Variants in APBA1 observed in about 807,000 individuals in gnomAD.
APBA1 encodes amyloid beta precursor protein binding family A member 1.
A neutral mutation model predicts 86.6 loss-of-function variants in APBA1; 55 were observed. The observed-to-expected ratio is 0.64, with a 90% CI of 0.51 to 0.80. The LOEUF is 0.80. APBA1 is among the 30% of genes least tolerant of loss of function. The probability of loss-of-function intolerance (pLI) is 0.00; values close to 1 mark genes in which losing one functional copy is unlikely to be tolerated. For missense variants in APBA1, 1,090 were observed against 1,183.0 expected, an observed-to-expected ratio of 0.92 and a Z score of 1.15; for synonymous variants, 511 against 493.9, an observed-to-expected ratio of 1.03 and a Z score of -0.46.
chr9:69,445,922 T>G (rs1178907178), intron 10 of APBA1, among the ~76,000 whole-genome samples: 1 of 152,174 alleles, frequency 6.6e-6, no homozygotes, highest in Non-Finnish European at 1.5e-5. Context: ...AATTCCACCC[T>G]ATACCTGCTG....
chr9:69,458,275 A>G (rs904335555), intron 5 of APBA1, 87 bp from the exon 6 acceptor site: 12 of 1,252,502 alleles, frequency 9.6e-6, no homozygotes, highest in Admixed American at 4.4e-5. Flanking sequence ...TGACAAACTA[A>G]TACTGAATAG....
At position 69,488,482 on chromosome 9, in the gene APBA1, G is replaced by T. The variant is rs143589832; in HGVS notation, c.1201-12339C>A. ...TTATATTTTTTAGTATTGCTTTCAA[G>T]GTAAAGTTCTAACTGAATCACTTCT... On this transcript the variant is annotated intron_variant, in intron 2 of 12. Coordinates refer to ENST00000265381, the MANE Select transcript of APBA1 (RefSeq NM_001163.4). Among the ~76,000 whole-genome samples the T allele has an allele frequency of 2.5e-3, 373 of 152,230 alleles. 3 individuals are homozygous for T. The highest frequency in any genetic ancestry group is 8.4e-3 in the African/African-American group (351 of 41,542).
intron 1 of APBA1, among the ~76,000 whole-genome samples, chr9:69,599,390 C>T (rs1822302966): frequency 6.6e-6 from 1 of 152,176 alleles, no homozygotes; most frequent in Non-Finnish European, 1.5e-5. Context: ...AGTCAGTGTT[C>T]CCTCTGGGTC....
chr9:69,591,381 A>G (rs10115238), intron 1 of APBA1, among the ~76,000 whole-genome samples: 51 of 152,314 alleles, frequency 3.3e-4, no homozygotes, highest in African/African-American at 1.2e-3. Flanking sequence ...GTCTTAATGT[A>G]TAAGATATCC....
At chr9:69,555,199 A>G (rs562240351) in intron 1 of APBA1, among the ~76,000 whole-genome samples, 106 of 152,304 alleles carry the variant, frequency 7.0e-4, no homozygotes, top group African/African-American at 2.3e-3. Flanking sequence ...TCATTTTTCA[A>G]TGCATGGGAG....
At chr9:69,543,468 G>A (rs955675002) in intron 1 of APBA1, among the ~76,000 whole-genome samples, 3 of 152,114 alleles carry the variant, frequency 2.0e-5, no homozygotes, top group Non-Finnish European at 4.4e-5. Context: ...CTGGCCCCCT[G>A]TACTTAAAGA....
intron 1 of APBA1, among the ~76,000 whole-genome samples, chr9:69,571,281 C>G (rs2133948210): frequency 6.6e-6 from 1 of 152,214 alleles, no homozygotes; most frequent in Admixed American, 6.5e-5. Flanking sequence ...TCATCTGTTT[C>G]CTGTGCCAGT....
At chr9:69,643,186 C>A (rs1248475315) in intron 1 of APBA1, among the ~76,000 whole-genome samples, 1 of 152,006 alleles carries the variant, frequency 6.6e-6, no homozygotes, top group Non-Finnish European at 1.5e-5. Flanking sequence ...AAGTGTTTAC[C>A]CCCTACAACC....
intron 2 of APBA1, among the ~76,000 whole-genome samples, chr9:69,485,265 T>C (rs1835588934): frequency 6.6e-6 from 1 of 152,118 alleles, no homozygotes; most frequent in Non-Finnish European, 1.5e-5. Context: ...ATTGCCTAAA[T>C]GTCAAGGGTG....
chr9:69,495,920 G>T (rs977545067), intron 2 of APBA1, among the ~76,000 whole-genome samples: 1 of 152,042 alleles, frequency 6.6e-6, no homozygotes, highest in Non-Finnish European at 1.5e-5. Flanking sequence ...CACCTTTACC[G>T]AGGGCCTGAG....
intron 1 of APBA1, among the ~76,000 whole-genome samples, chr9:69,572,366 T>C (rs975832874): frequency 6.6e-6 from 1 of 152,158 alleles, no homozygotes; most frequent in Non-Finnish European, 1.5e-5. Context: ...CTGCGTTAGT[T>C]TGCTGAGGAT....
At chr9:69,494,013 T>A (rs1835755909) in intron 2 of APBA1, among the ~76,000 whole-genome samples, 1 of 152,100 alleles carries the variant, frequency 6.6e-6, no homozygotes, top group Admixed American at 6.5e-5. Context: ...TGTCTGTGCT[T>A]CTAAGAATCG....
intron 1 of APBA1, among the ~76,000 whole-genome samples, chr9:69,531,002 A>C (rs1436533826): frequency 6.6e-6 from 1 of 152,172 alleles, no homozygotes; most frequent in Non-Finnish European, 1.5e-5. Flanking sequence ...TGCACATTAA[A>C]ATTTTTTTAA....
intron 1 of APBA1, among the ~76,000 whole-genome samples, chr9:69,575,023 C>G (rs965722332): frequency 5.3e-5 from 8 of 152,038 alleles, no homozygotes; most frequent in Non-Finnish European, 8.8e-5. Flanking sequence ...CTCAAGTGAT[C>G]CTCCCACCTC....
intron 2 of APBA1, among the ~76,000 whole-genome samples, chr9:69,514,328 C>T (rs1055384354): frequency 1.3e-5 from 2 of 152,220 alleles, no homozygotes; most frequent in African/African-American, 4.8e-5. Context: ...TGGTGTTTCA[C>T]ATCTGTAATC....
rs148530210 is a variant in APBA1 at position 69,441,033 on chromosome 9, A to C, written c.2264T>G (p.Leu755Arg). Residue 755 changes from leucine (L) to arginine (R), a missense_variant, in exon 11 of 13, where the codon CTT (leucine) becomes CGT (arginine). By Grantham distance (102) the Leu-to-Arg change is moderately radical. Transcript: ENST00000265381. Reference sequence around the variant, plus strand: ...GACGCTGAAACCGAGCTGGTAGCGAAGGTCTGGTCTTCTGATTAACACGGT... The same window carrying C: ...GACGCTGAAACCGAGCTGGTAGCGACGGTCTGGTCTTCTGATTAACACGGT... The part of the protein sequence containing the change: ...VTTVLIRRPD[L>R]RYQLGFSVQN... The C allele has an allele frequency of 6.2e-7, 1 of 1,614,136 alleles. No individual in the cohort carries two copies. Among genetic ancestry groups the C allele is most frequent in the Non-Finnish European group, 8.5e-7 (1 of 1,180,030 alleles).
intron 1 of APBA1, among the ~76,000 whole-genome samples, chr9:69,520,531 A>G (rs1284557608): frequency 6.6e-6 from 1 of 152,214 alleles, no homozygotes; most frequent in Non-Finnish European, 1.5e-5. Context: ...AGGTACTGAT[A>G]AGTACAATGC....
At chr9:69,635,312 T>C (rs1823134204) in intron 1 of APBA1, among the ~76,000 whole-genome samples, 1 of 152,076 alleles carries the variant, frequency 6.6e-6, no homozygotes. Flanking sequence ...AAATAATGAG[T>C]GTATTATCTA....
At chr9:69,564,063 C>T (rs544018734) in intron 1 of APBA1, among the ~76,000 whole-genome samples, 2 of 152,274 alleles carry the variant, frequency 1.3e-5, no homozygotes, top group South Asian at 4.1e-4. Context: ...ACTCCCCAAA[C>T]TCCAAATTCG....
Sources: allele counts gnomAD v4.1 joint callset (sites outside exome capture counted in the v4.1 genomes callset), GRCh38; gene constraint gnomAD v4.1.1; transcripts MANE v1.5; gene names NCBI Gene and HGNC (gene_info 2026-07-23, HGNC 2026-07-21).